Variants in FDFT1 observed in about 807,000 individuals in gnomAD.
The protein encoded by FDFT1 is squalene synthase.
Under a neutral mutation model 46.8 loss-of-function variants are expected in FDFT1, and 68 were observed. That is an observed-to-expected ratio of 1.45 (90% CI 1.19 to 1.78). FDFT1 has a LOEUF of 1.78. FDFT1 is among the 40% of genes most tolerant of loss of function. FDFT1 has a pLI of 0.00. For synonymous variants in FDFT1, 351 were observed against 185.1 expected (o/e 1.90, Z -7.28); for missense variants, 928 against 524.4 (o/e 1.77, Z -7.52).
Position 11,830,261 on chromosome 8 carries a change from T to A in FDFT1, c.720T>A (p.Val240=), listed in dbSNP as rs1164604165. ...CTGTCTAGGTTTGGAGCAGGTATGT[T>A]AAGAAGTTAGGGGATTTTGCTAAGC... The part of the protein sequence containing the change: ...FWPQEVWSRY[V]KKLGDFAKPE... Residue 240 remains valine (V), a synonymous_variant, in exon 6 of 8, where the codon GTT becomes GTA. Coordinates refer to ENST00000220584, the MANE Select transcript of FDFT1 (RefSeq NM_004462.5). 1 of 1,613,854 alleles carries A rather than the reference T, an allele frequency of 6.2e-7. No homozygotes were observed. The highest frequency in any genetic ancestry group is 1.3e-5 in the African/African-American group (1 of 74,894).
intron 7 of FDFT1, among the ~76,000 whole-genome samples, chr8:11,833,821 T>C (rs1293319): frequency 0.98 from 148,804 of 152,336 alleles, 72,780 homozygotes; most frequent in East Asian, 1. Flanking sequence ...TGACTTAGGG[T>C]ATCAGTTGTT....
At chr8:11,799,735 C>G (rs557113714), upstream of FDFT1, among the ~76,000 whole-genome samples, 1 of 151,586 alleles carries the variant, frequency 6.6e-6, no homozygotes, top group African/African-American at 2.4e-5. Context: ...ATCACGAGGT[C>G]AAGAGATTGA....
rs553556723 is a variant in FDFT1, at chr8:11,838,630, G to A, written c.*21G>A. On this transcript the variant is annotated 3_prime_UTR_variant, in exon 8 of 8. Transcript: ENST00000220584. ...ACTGATCCCAAATTTGTCCATAGCT[G>A]AAGTCCACCATAAAGTGGATTTACT... 3 of 1,556,424 alleles carry A rather than the reference G, an allele frequency of 1.9e-6. No homozygotes were observed. Among genetic ancestry groups the A allele is most frequent in the South Asian group, 2.2e-5 (2 of 89,878 alleles).
At chr8:11,819,159 A>T (rs1808870685) in intron 3 of FDFT1, among the ~76,000 whole-genome samples, 1 of 151,916 alleles carries the variant, frequency 6.6e-6, no homozygotes, top group Admixed American at 6.6e-5. Context: ...ATTCTTTAAG[A>T]ATGCTGAATA....
chr8:11,809,274 C>G (rs1040282909), intron 2 of FDFT1: 6 of 1,105,726 alleles, frequency 5.4e-6, no homozygotes, highest in Non-Finnish European at 6.6e-6. Flanking sequence ...CACCCATGAA[C>G]TTAGACCAGT....
At chr8:11,816,449 T>G (rs28841679) in intron 3 of FDFT1, among the ~76,000 whole-genome samples, 2,522 of 152,356 alleles carry the variant, frequency 0.017, 60 homozygotes, top group African/African-American at 0.057. Flanking sequence ...ATCTGTAAAT[T>G]ACCTTGGGCA....
intron 4 of FDFT1, among the ~76,000 whole-genome samples, chr8:11,824,005 C>T (rs920596206): frequency 1.3e-5 from 2 of 152,062 alleles, no homozygotes; most frequent in Non-Finnish European, 2.9e-5. Context: ...CTTAGCCTCC[C>T]AGGTGTGAGC....
At chr8:11,803,201 C>T (rs557251613) in intron 1 of FDFT1, 10 of 1,411,984 alleles carry the variant, frequency 7.1e-6, no homozygotes, top group Admixed American at 4.7e-5. Context: ...CGTTTCGTCC[C>T]CTCCGTGAGC....
intron 4 of FDFT1, among the ~76,000 whole-genome samples, chr8:11,822,781 A>C (rs1305845877): frequency 2.0e-5 from 3 of 152,162 alleles, no homozygotes; most frequent in Non-Finnish European, 2.9e-5. Context: ...GTGCCACTGC[A>C]CTCCAACGTG....
chr8:11,824,697 T>C lies in FDFT1; in HGVS notation c.511-1327T>C, dbSNP rs866186720. Among the ~76,000 whole-genome samples, 7 of 152,340 alleles carry C rather than the reference T, an allele frequency of 4.6e-5. No homozygotes were observed. The South Asian group carries it at 6.2e-4, about 14-fold the overall frequency. ...GGAGATCATACTGCTATGTACCTGATACAATGTTTGTGAGGATTGAATGTG... is the reference window on the plus strand; with the variant it reads ...GGAGATCATACTGCTATGTACCTGACACAATGTTTGTGAGGATTGAATGTG... On this transcript the variant is annotated intron_variant, in intron 4 of 7. Transcript: ENST00000220584.
chr8:11,799,776 T>TACAGG (rs2130634997), upstream of FDFT1, among the ~76,000 whole-genome samples: 1 of 152,004 alleles, frequency 6.6e-6, no homozygotes, highest in Non-Finnish European at 1.5e-5. Flanking sequence ...TGAAACCCTG[T>TACAGG]CTCAACTAAA....
chr8:11,808,609 C>T (rs1228978239), intron 1 of FDFT1, 185 bp from the exon 2 acceptor site: 2 of 1,391,826 alleles, frequency 1.4e-6, no homozygotes, highest in African/African-American at 1.5e-5. Context: ...GGCCCGGGCG[C>T]AGGCACCGCC....
upstream of FDFT1, chr8:11,802,232 C>G: frequency 2.6e-6 from 1 of 386,168 alleles, no homozygotes; most frequent in Admixed American, 3.3e-5. Flanking sequence ...CAGCTTGGCG[C>G]TGGCCCGGCC....
chr8:11,821,978 C>T (rs967597803), intron 4 of FDFT1, 100 bp downstream of exon 4: 45 of 1,401,916 alleles, frequency 3.2e-5, no homozygotes, highest in Non-Finnish European at 4.2e-5. Context: ...GTATTTTCAG[C>T]CCCTCTGGTT....
At position 11,808,929 on chromosome 8, in the gene FDFT1, G is replaced by T. The variant is rs752224155; in HGVS notation, c.197+38G>T. ...GGCAGCGCCTCTGGCTTGGAGGAAA[G>T]CTTGTCCGGGACCTTTGAGTGTGTT... is the stretch of plus-strand genomic sequence containing the variant. On this transcript the variant is annotated intron_variant, in intron 2 of 7. Coordinates refer to ENST00000220584, the MANE Select transcript of FDFT1 (RefSeq NM_004462.5). 37 of 1,600,318 alleles carry T rather than the reference G, an allele frequency of 2.3e-5. No individual in the cohort carries two copies. The South Asian group carries it at 4.2e-4, about 18-fold the overall frequency.
chr8:11,802,704 G>C (rs963052507), upstream of FDFT1: 8 of 702,410 alleles, frequency 1.1e-5, no homozygotes, highest in Non-Finnish European at 1.9e-5. Context: ...GCGGGGCGTC[G>C]CCGTACTAGG....
intron 1 of FDFT1, among the ~76,000 whole-genome samples, chr8:11,806,836 C>T (rs964819481): frequency 5.9e-5 from 9 of 152,134 alleles, no homozygotes; most frequent in African/African-American, 1.9e-4. Flanking sequence ...TGAATGTCTT[C>T]ATTTATTCAT....
At chr8:11,822,148 A>C (rs1040205784) in intron 4 of FDFT1, among the ~76,000 whole-genome samples, 4 of 152,232 alleles carry the variant, frequency 2.6e-5, no homozygotes, top group Non-Finnish European at 4.4e-5. Flanking sequence ...ATGAAGATTA[A>C]AACTACACAT....
intron 5 of FDFT1, among the ~76,000 whole-genome samples, chr8:11,827,263 C>T (rs1182415410): frequency 5.3e-5 from 8 of 152,046 alleles, no homozygotes; most frequent in Non-Finnish European, 1.0e-4. Flanking sequence ...GCCTGAGCAA[C>T]ACAGCAAGAT....
Sources: allele counts gnomAD v4.1 joint callset (sites outside exome capture counted in the v4.1 genomes callset), GRCh38; gene constraint gnomAD v4.1.1; transcripts MANE v1.5; gene names NCBI Gene and HGNC (gene_info 2026-07-23, HGNC 2026-07-21).